Variants in GDF11 observed in about 807,000 individuals in gnomAD.
GDF11 encodes growth differentiation factor 11, also known as growth/differentiation factor 11.
GDF11 carries 12 observed loss-of-function variants against 34.4 expected under a neutral mutation model. That is an observed-to-expected ratio of 0.35 (90% CI 0.22 to 0.57). The LOEUF (loss-of-function observed/expected upper bound fraction) is 0.57, where lower values mean the gene tolerates loss of function less well. Ranked by LOEUF, GDF11 falls within the 20% of genes least tolerant of loss-of-function variation. The pLI is 0.86. For missense variants in GDF11, 346 were observed against 548.2 expected (o/e 0.63, Z 3.68); for synonymous variants, 212 against 231.1 (o/e 0.92, Z 0.75).
At position 55,755,749 on chromosome 12, in the gene GDF11, A is replaced by G. The variant is rs1359420941; in HGVS notation, c.*5867A>G. ...CTTGGAGGTTAGAGACTTCTGACCA[A>G]CATAGGAACAGCTGCTGAAATGGGA... On this transcript the variant is annotated 3_prime_UTR_variant, in exon 3 of 3. Coordinates refer to ENST00000257868, the MANE Select transcript of GDF11 (RefSeq NM_005811.5). 1 of 152,094 alleles carries G rather than the reference A, an allele frequency of 6.6e-6. No individual in the cohort carries two copies. Among genetic ancestry groups the G allele is most frequent in the African/African-American group, 2.4e-5 (1 of 41,396 alleles). 9.4% of individuals were successfully genotyped at this position (152,094 alleles called of 1,614,324 possible).
In GDF11 at chr12:55,754,950, A is replaced by G. The variant is rs1878458850; in HGVS notation, c.*5068A>G. On this transcript the variant is annotated 3_prime_UTR_variant, in exon 3 of 3. Coordinates refer to ENST00000257868, the MANE Select transcript of GDF11 (RefSeq NM_005811.5). ...GTAGAAACCTAAATACAGGAATAAC[A>G]TAAGGGAAAGAGATAACAAGAAAGT... 1.3e-5 allele frequency: 2 copies of G among 152,242 alleles called. No individual in the cohort carries two copies. Among genetic ancestry groups the G allele is most frequent in the Admixed American group, 1.3e-4 (2 of 15,286 alleles). 9.4% of individuals were successfully genotyped at this position (152,242 alleles called of 1,614,324 possible). A position where few individuals can be genotyped will look rare whatever the true frequency, so the allele number is the denominator to read the frequency against.
chr12:55,749,995 T>G lies in GDF11; in HGVS notation c.*113T>G. On this transcript the variant is annotated 3_prime_UTR_variant, in exon 3 of 3. Coordinates refer to ENST00000257868, the MANE Select transcript of GDF11 (RefSeq NM_005811.5). The surrounding 1 kb of genome is among the most constrained non-coding windows in gnomAD (Gnocchi z 5.6). ...CACTCTTCCCGCGAACATCACACCG[T>G]TCCCCGACCAAGCCGTGTGCAATAC... 9 of 897,754 alleles carry G rather than the reference T, an allele frequency of 1.0e-5. No individual in the cohort carries two copies. Among genetic ancestry groups the G allele is most frequent in the Non-Finnish European group, 1.5e-5 (9 of 586,754 alleles). 55.6% of individuals were successfully genotyped at this position (897,754 alleles called of 1,614,324 possible).
chr12:55,744,767 C>A (rs1878145291), intron 1 of GDF11, among the ~76,000 whole-genome samples: 1 of 152,004 alleles, frequency 6.6e-6, no homozygotes. Flanking sequence ...CAAGGTTCCC[C>A]CCTTCCCACA....
At chr12:55,745,838 A>T (rs2136165999) in intron 1 of GDF11, among the ~76,000 whole-genome samples, 1 of 149,122 alleles carries the variant, frequency 6.7e-6, no homozygotes, top group South Asian at 2.1e-4. Flanking sequence ...CCAAGCCTTC[A>T]TCCTGGGAAC....
Position 55,748,837 on chromosome 12 carries a change from G to C in GDF11, c.697G>C (p.Gly233Arg). ...SLKIELHSRS[G>R]HWQSIDFKQV... Reference sequence around the variant, plus strand: ...GAAGATTGAGCTGCACTCACGCTCAGGCCATTGGCAGAGCATCGACTTCAA... The same window carrying C: ...GAAGATTGAGCTGCACTCACGCTCACGCCATTGGCAGAGCATCGACTTCAA... Residue 233 changes from glycine to arginine, a missense_variant, in exon 2 of 3, where the codon GGC (glycine) becomes CGC (arginine). Around this residue, in one of 3 missense-constraint regions of GDF11, gnomAD observed 205 missense variants for 311.3 expected, o/e 0.66. Coordinates refer to ENST00000257868, the MANE Select transcript of GDF11 (RefSeq NM_005811.5). This position sits in a 1 kb window ranked among gnomAD's most constrained non-coding sequence, Gnocchi z 5.6. The C allele has an allele frequency of 6.2e-7, 1 of 1,613,986 alleles. No homozygotes were observed. The highest frequency in any genetic ancestry group is 2.2e-5 in the East Asian group (1 of 44,878).
In GDF11 at chr12:55,749,973, T is replaced by C; in HGVS notation, c.*91T>C. On this transcript the variant is annotated 3_prime_UTR_variant, in exon 3 of 3. Transcript: ENST00000257868. This position sits in a 1 kb window ranked among gnomAD's most constrained non-coding sequence, Gnocchi z 5.6. ...CCCCAAGCCCTAGAGCTCCCTCCAC[T>C]CTTCCCGCGAACATCACACCGTTCC... 1.8e-6 allele frequency: 2 copies of C among 1,095,420 alleles called. No homozygotes were observed. Among genetic ancestry groups the C allele is most frequent in the South Asian group, 1.5e-5 (1 of 67,450 alleles). 67.9% of individuals were successfully genotyped at this position (1,095,420 alleles called of 1,614,324 possible).
Position 55,748,674 on chromosome 12 carries a change from C to A in GDF11, c.534C>A (p.Ala178=). 1 of 1,614,222 alleles carries A rather than the reference C, an allele frequency of 6.2e-7. No individual in the cohort carries two copies. Among genetic ancestry groups the A allele is most frequent in the Non-Finnish European group, 8.5e-7 (1 of 1,180,030 alleles). ...PKVMFTKVLK[A]QLWVYLRPVP... ...TGATGTTCACAAAGGTACTGAAGGC[C>A]CAGCTGTGGGTGTACCTACGGCCTG... The change falls in exon 2 of 3, where the codon GCC becomes GCA. Residue 178 remains alanine, a synonymous_variant. Coordinates refer to ENST00000257868, the MANE Select transcript of GDF11 (RefSeq NM_005811.5). The surrounding 1 kb of genome is among the most constrained non-coding windows in gnomAD (Gnocchi z 5.6).
In GDF11 at chr12:55,749,918, AC is replaced by A. The variant is rs1285161364; in HGVS notation, c.*40del. 1 of 1,554,888 alleles carries A rather than the reference AC, an allele frequency of 6.4e-7. No homozygotes were observed. Among genetic ancestry groups the A allele is most frequent in the Non-Finnish European group, 8.8e-7 (1 of 1,141,714 alleles). On this transcript the variant is annotated 3_prime_UTR_variant, in exon 3 of 3. Coordinates refer to ENST00000257868, the MANE Select transcript of GDF11 (RefSeq NM_005811.5). The surrounding 1 kb of genome is among the most constrained non-coding windows in gnomAD (Gnocchi z 5.6). ...AGAGGATGCCTCCCCCACAGACCCT[AC>A]CCCAAGACCCCTAGCCCTGCCCCCA...
In GDF11 at chr12:55,756,438, T is replaced by A. The variant is rs1032409299; in HGVS notation, c.*6556T>A. The A allele has an allele frequency of 6.6e-6, 1 of 152,188 alleles. No individual in the cohort carries two copies. Among genetic ancestry groups the A allele is most frequent in the African/African-American group, 2.4e-5 (1 of 41,452 alleles). 9.4% of individuals were successfully genotyped at this position (152,188 alleles called of 1,614,324 possible). A position where few individuals can be genotyped will look rare whatever the true frequency, so the allele number is the denominator to read the frequency against. On this transcript the variant is annotated 3_prime_UTR_variant, in exon 3 of 3. Transcript: ENST00000257868. ...GACATTAGAAAGGTGATCAAACTAT[T>A]ACCATTTCATTAAGCACAAAACCAG... is the stretch of plus-strand genomic sequence containing the variant.
intron 1 of GDF11, among the ~76,000 whole-genome samples, chr12:55,744,145 C>T (rs575466553): frequency 6.2e-4 from 95 of 152,340 alleles, no homozygotes; most frequent in Non-Finnish European, 1.2e-3. Flanking sequence ...CCCGCAGCCC[C>T]AGCTGGACTG....
chr12:55,753,969 A>G lies in GDF11; in HGVS notation c.*4087A>G, dbSNP rs769180370. The G allele has an allele frequency of 2.6e-5, 4 of 152,098 alleles. No homozygotes were observed. The highest frequency in any genetic ancestry group is 5.9e-5 in the Non-Finnish European group (4 of 68,036). 9.4% of individuals were successfully genotyped at this position (152,098 alleles called of 1,614,324 possible). A position where few individuals can be genotyped will look rare whatever the true frequency, so the allele number is the denominator to read the frequency against. On this transcript the variant is annotated 3_prime_UTR_variant, in exon 3 of 3. Transcript: ENST00000257868. Reference sequence around the variant, plus strand: ...TAAGACACTGTCTCTAAAAATAATTAAAGTAAAATAAAAATAAGGAAAGCT... The same window carrying G: ...TAAGACACTGTCTCTAAAAATAATTGAAGTAAAATAAAAATAAGGAAAGCT...
At position 55,751,339 on chromosome 12, in the gene GDF11, G is replaced by A. The variant is rs139146921; in HGVS notation, c.*1457G>A. 1 of 152,474 alleles carries A rather than the reference G, an allele frequency of 6.6e-6. No individual in the cohort carries two copies. The highest frequency in any genetic ancestry group is 2.4e-5 in the African/African-American group (1 of 41,556). The allele number at this position is 152,474 out of a possible 1,614,324, so 9.4% of individuals were successfully genotyped here. The stretch of plus-strand genomic sequence containing the variant: ...CCCGGGCTTGGAAGGCTAGGAAGCA[G>A]GCAGAGACTGGTTGCCATTTCAAGT... On this transcript the variant is annotated 3_prime_UTR_variant, in exon 3 of 3. Coordinates refer to ENST00000257868, the MANE Select transcript of GDF11 (RefSeq NM_005811.5).
In GDF11 at chr12:55,755,031, T is replaced by A. The variant is rs1344738525; in HGVS notation, c.*5149T>A. The A allele has an allele frequency of 6.6e-6, 1 of 152,068 alleles. No homozygotes were observed. The highest frequency in any genetic ancestry group is 1.5e-5 in the Non-Finnish European group (1 of 68,016). The allele number at this position is 152,068 out of a possible 1,614,324, so 9.4% of individuals were successfully genotyped here. A position where few individuals can be genotyped will look rare whatever the true frequency, so the allele number is the denominator to read the frequency against. On this transcript the variant is annotated 3_prime_UTR_variant, in exon 3 of 3. Coordinates refer to ENST00000257868, the MANE Select transcript of GDF11 (RefSeq NM_005811.5). ...AAGATGTGAAACCTGTAATTTTAAA[T>A]CCCTTTGGAAGGGAAAAACAAGAAA...
chr12:55,746,818 A>C (rs1878195004), intron 1 of GDF11, among the ~76,000 whole-genome samples: 1 of 152,256 alleles, frequency 6.6e-6, no homozygotes, highest in African/African-American at 2.4e-5. Flanking sequence ...GTAAGGTTAG[A>C]TAGTGGTTAG....
rs1229100363 is a variant in GDF11 at position 55,749,585 on chromosome 12, C to T, written c.927C>T (p.Ser309=). ...GTCTGGACTGCGACGAGCACTCAAG[C>T]GAGTCCCGCTGCTGCCGATATCCCC... ...NLGLDCDEHS[S]ESRCCRYPLT... is the part of the protein sequence containing the mutation. The change falls in exon 3 of 3, where the codon AGC becomes AGT. Residue 309 remains serine, a synonymous_variant. Coordinates refer to ENST00000257868, the MANE Select transcript of GDF11 (RefSeq NM_005811.5). The surrounding 1 kb of genome is among the most constrained non-coding windows in gnomAD (Gnocchi z 5.6). 5 of 1,614,100 alleles carry T rather than the reference C, an allele frequency of 3.1e-6. No homozygotes were observed. The highest frequency in any genetic ancestry group is 1.6e-4 in the Middle Eastern group (1 of 6,062).
rs545872285 is a variant in GDF11, at chr12:55,753,377, T to C, written c.*3495T>C. 6.6e-6 allele frequency: 1 copy of C among 152,332 alleles called. No individual in the cohort carries two copies. The highest frequency in any genetic ancestry group is 1.9e-4 in the East Asian group (1 of 5,182). 9.4% of individuals were successfully genotyped at this position (152,332 alleles called of 1,614,324 possible). On this transcript the variant is annotated 3_prime_UTR_variant, in exon 3 of 3. Transcript: ENST00000257868. ...AATAGCATCTCAAATATTCTTTCAG[T>C]TCACTGTAAAAATTTTTCCCATGTA...
In GDF11 at chr12:55,743,769, G is replaced by A. The variant is rs1358093606; in HGVS notation, c.445+8G>A. The A allele has an allele frequency of 6.6e-7, 1 of 1,523,850 alleles. No individual in the cohort carries two copies. Among genetic ancestry groups the A allele is most frequent in the Non-Finnish European group, 8.8e-7 (1 of 1,135,328 alleles). 94.4% of individuals were successfully genotyped at this position (1,523,850 alleles called of 1,614,324 possible). On this transcript the variant is annotated splice_region_variant and intron_variant, in intron 1 of 2. Coordinates refer to ENST00000257868, the MANE Select transcript of GDF11 (RefSeq NM_005811.5). ...TTAGCATGGCCCAGGAGAGTAAGTG[G>A]GCTGCGGGGCGCGAGCAGTGGGGTG...
At position 55,756,175 on chromosome 12, in the gene GDF11, A is replaced by C. The variant is rs776669278; in HGVS notation, c.*6293A>C. 1 of 152,250 alleles carries C rather than the reference A, an allele frequency of 6.6e-6. No individual in the cohort carries two copies. The highest frequency in any genetic ancestry group is 1.5e-5 in the Non-Finnish European group (1 of 68,048). The allele number at this position is 152,250 out of a possible 1,614,324, so 9.4% of individuals were successfully genotyped here. On this transcript the variant is annotated 3_prime_UTR_variant, in exon 3 of 3. Transcript: ENST00000257868. ...AAGAAAAGGAAGGCAGACAGAAAAG[A>C]GGGAAAAGGGAAGGTCATTCCAATT...
At chr12:55,744,293 G>A (rs1213792936) in intron 1 of GDF11, among the ~76,000 whole-genome samples, 1 of 152,096 alleles carries the variant, frequency 6.6e-6, no homozygotes, top group Non-Finnish European at 1.5e-5. Flanking sequence ...CCTCCTGGCA[G>A]CCCAGCTGGC....
Sources: allele counts gnomAD v4.1 joint callset (sites outside exome capture counted in the v4.1 genomes callset), GRCh38; gene constraint gnomAD v4.1.1; regional missense constraint gnomAD v4.1.1; non-coding constraint Gnocchi (gnomAD v3.1); transcripts MANE v1.5; gene names NCBI Gene and HGNC (gene_info 2026-07-23, HGNC 2026-07-21).